Variants in MYT1L observed in about 807,000 individuals in gnomAD.
MYT1L encodes myelin transcription factor 1 like, also known as myelin transcription factor 1-like protein.
A neutral mutation model predicts 126.7 loss-of-function variants in MYT1L; 12 were observed. The ratio of observed to expected loss-of-function variants is 0.09; its 90% CI spans 0.06 to 0.15. MYT1L has a LOEUF of 0.15. Ranked by LOEUF, MYT1L falls within the 10% of genes least tolerant of loss-of-function variation. MYT1L has a pLI of 1.00. For missense variants in MYT1L, 979 were observed against 1,585.2 expected, an observed-to-expected ratio of 0.62 and a Z score of 6.49; for synonymous variants, 541 against 604.2, an observed-to-expected ratio of 0.90 and a Z score of 1.53.
At chr2:1,849,241 T>G (rs1375580100) in intron 19 of MYT1L, among the ~76,000 whole-genome samples, 1 of 151,978 alleles carries the variant, frequency 6.6e-6, no homozygotes, top group Non-Finnish European at 1.5e-5. Context: ...CATTACGCCA[T>G]GCCGGAAGCT....
chr2:2,025,880 C>G (rs1326297820), intron 4 of MYT1L, among the ~76,000 whole-genome samples: 2 of 152,200 alleles, frequency 1.3e-5, no homozygotes, highest in Non-Finnish European at 2.9e-5. Flanking sequence ...ATATTCAGAA[C>G]AAGATACATG....
At position 1,943,004 on chromosome 2, in the gene MYT1L, C is replaced by G; in HGVS notation, c.483G>C (p.Glu161Asp). ...TACCGTTTTCTTCTTCCTCTTCCTCCTCCTCCTCCTCCTCCTCTTCCTCTT... is the reference window on the plus strand; with the variant it reads ...TACCGTTTTCTTCTTCCTCTTCCTCGTCCTCCTCCTCCTCCTCTTCCTCTT... ...DEEEEEEEEE[E>D]EEEEEENEDH... The change falls in exon 9 of 25, where the codon GAG becomes GAC. Residue 161 changes from glutamate to aspartate, a missense_variant. Physicochemically the swap from Glu to Asp is conservative, Grantham distance 45. Around this residue, in one of 12 missense-constraint regions of MYT1L, gnomAD observed 243 missense variants for 363.9 expected, o/e 0.67. Coordinates refer to ENST00000647738, the MANE Select transcript of MYT1L (RefSeq NM_001303052.2). The surrounding 1 kb of genome is among the most constrained non-coding windows in gnomAD (Gnocchi z 4.4). 4.1e-6 allele frequency: 6 copies of G among 1,472,864 alleles called. No homozygotes were observed. Among genetic ancestry groups the G allele is most frequent in the Non-Finnish European group, 5.5e-6 (6 of 1,086,362 alleles). 91.2% of individuals were successfully genotyped at this position (1,472,864 alleles called of 1,614,324 possible).
intron 3 of MYT1L, among the ~76,000 whole-genome samples, chr2:2,144,395 G>A (rs923008180): frequency 3.3e-5 from 5 of 152,188 alleles, no homozygotes; most frequent in Non-Finnish European, 5.9e-5. Flanking sequence ...TGGCTCACAG[G>A]TTAAATTCCT....
intron 2 of MYT1L, among the ~76,000 whole-genome samples, chr2:2,195,693 A>C (rs1295405099): frequency 6.6e-6 from 1 of 152,212 alleles, no homozygotes; most frequent in Non-Finnish European, 1.5e-5. Flanking sequence ...ATTTCAAGAG[A>C]TAAATAAAAC....
intron 4 of MYT1L, among the ~76,000 whole-genome samples, chr2:2,049,244 AT>A (rs1167365820): frequency 1.3e-5 from 2 of 152,198 alleles, no homozygotes; most frequent in Non-Finnish European, 2.9e-5. Flanking sequence ...AAGCAAAACA[AT>A]TTGATTTGGT....
At chr2:2,041,328 T>C (rs2067507231) in intron 4 of MYT1L, among the ~76,000 whole-genome samples, 1 of 152,202 alleles carries the variant, frequency 6.6e-6, no homozygotes, top group Non-Finnish European at 1.5e-5. Context: ...TGAAGGAAAT[T>C]GCCTTCTTTC....
At chr2:2,166,511 T>C (rs1452744598) in intron 3 of MYT1L, among the ~76,000 whole-genome samples, 7 of 152,228 alleles carry the variant, frequency 4.6e-5, no homozygotes, top group Admixed American at 3.9e-4. Context: ...AGAGCTGTTA[T>C]TCTCTGGCTG....
At chr2:1,998,234 C>A (rs1281564145) in intron 4 of MYT1L, among the ~76,000 whole-genome samples, 1 of 152,196 alleles carries the variant, frequency 6.6e-6, no homozygotes, top group Non-Finnish European at 1.5e-5. Context: ...CAGGACTAAA[C>A]CTCTCTGGGC....
At chr2:1,879,010 TA>T (rs1378755779) in intron 18 of MYT1L, among the ~76,000 whole-genome samples, 1 of 151,376 alleles carries the variant, frequency 6.6e-6, no homozygotes, top group African/African-American at 2.4e-5. Flanking sequence ...AGAAGAGAAG[TA>T]ATTTCCCTGA....
At chr2:1,850,530 C>T (rs916054190) in intron 19 of MYT1L, among the ~76,000 whole-genome samples, 23 of 152,188 alleles carry the variant, frequency 1.5e-4, no homozygotes, top group African/African-American at 5.1e-4. Flanking sequence ...GTAGTGGATT[C>T]GCCTTTGTGT....
intron 3 of MYT1L, among the ~76,000 whole-genome samples, chr2:2,098,000 C>T (rs548127094): frequency 6.6e-6 from 1 of 152,308 alleles, no homozygotes; most frequent in South Asian, 2.1e-4. Flanking sequence ...TGCTTCCACT[C>T]TTGCCATATA....
intron 1 of MYT1L, among the ~76,000 whole-genome samples, chr2:2,301,073 T>G (rs1431437950): frequency 6.6e-6 from 1 of 152,052 alleles, no homozygotes; most frequent in Non-Finnish European, 1.5e-5. Flanking sequence ...GTGCCAGCCT[T>G]GCACTCAGCA....
intron 2 of MYT1L, among the ~76,000 whole-genome samples, chr2:2,282,697 A>G (rs999448146): frequency 6.6e-6 from 1 of 152,244 alleles, no homozygotes; most frequent in Non-Finnish European, 1.5e-5. Context: ...TGAAATTACA[A>G]TAGAGAATTG....
At chr2:2,299,488 A>G (rs1384980049) in intron 1 of MYT1L, among the ~76,000 whole-genome samples, 1 of 152,116 alleles carries the variant, frequency 6.6e-6, no homozygotes, top group African/African-American at 2.4e-5. Context: ...TGGGACGGTG[A>G]TGTGTGAGGC....
intron 8 of MYT1L, among the ~76,000 whole-genome samples, chr2:1,972,764 A>C (rs1391922851): frequency 1.3e-5 from 2 of 152,234 alleles, no homozygotes; most frequent in Non-Finnish European, 2.9e-5. Flanking sequence ...AGGCGTGCGG[A>C]ATGGAGAGGG....
intron 1 of MYT1L, among the ~76,000 whole-genome samples, chr2:2,299,099 G>A (rs546239815): frequency 3.9e-5 from 6 of 152,226 alleles, no homozygotes; most frequent in South Asian, 2.1e-4. Flanking sequence ...TGATCCATCC[G>A]CCTTGGCCTC....
chr2:1,834,688 G>A (rs1011622233), intron 21 of MYT1L, among the ~76,000 whole-genome samples: 7 of 152,226 alleles, frequency 4.6e-5, no homozygotes, highest in African/African-American at 1.7e-4. Flanking sequence ...GAGGAAGGGC[G>A]AGTCAGTGTT....
intron 3 of MYT1L, among the ~76,000 whole-genome samples, chr2:2,164,982 T>C (rs1459230645): frequency 6.6e-6 from 1 of 152,164 alleles, no homozygotes; most frequent in Non-Finnish European, 1.5e-5. Flanking sequence ...CTTAGAAAAC[T>C]GTTTGGCGGG....
chr2:2,056,698 C>T (rs1310523988), intron 3 of MYT1L, among the ~76,000 whole-genome samples: 1 of 152,176 alleles, frequency 6.6e-6, no homozygotes, highest in Non-Finnish European at 1.5e-5. Context: ...CTTGTGATCA[C>T]TGGTAATGGA....
Sources: allele counts gnomAD v4.1 joint callset (sites outside exome capture counted in the v4.1 genomes callset), GRCh38; gene constraint gnomAD v4.1.1; regional missense constraint gnomAD v4.1.1; non-coding constraint Gnocchi (gnomAD v3.1); transcripts MANE v1.5; gene names NCBI Gene and HGNC (gene_info 2026-07-23, HGNC 2026-07-21).